Variants in PDS5B observed in about 807,000 individuals in gnomAD.
PDS5B encodes PDS5 cohesin associated factor B, also known as sister chromatid cohesion protein PDS5 homolog B.
A neutral mutation model predicts 184.1 loss-of-function variants in PDS5B; 51 were observed. The observed-to-expected ratio is 0.28, with a 90% CI of 0.22 to 0.35. The LOEUF (loss-of-function observed/expected upper bound fraction) is 0.35, where lower values mean the gene tolerates loss of function less well. Among genes scored for constraint, PDS5B ranks in the 10% least tolerant of loss-of-function variants. PDS5B has a pLI of 1.00. For missense variants in PDS5B, 1,180 were observed against 1,723.3 expected, an observed-to-expected ratio of 0.68 and a Z score of 5.58; for synonymous variants, 566 against 569.2, an observed-to-expected ratio of 0.99 and a Z score of 0.08.
At chr13:32,598,558 A>G (rs997135876) in intron 1 of PDS5B, among the ~76,000 whole-genome samples, 2 of 151,940 alleles carry the variant, frequency 1.3e-5, no homozygotes, top group Non-Finnish European at 2.9e-5. Flanking sequence ...GTAACCTCAA[A>G]TTCCTGGGCT....
intron 1 of PDS5B, among the ~76,000 whole-genome samples, chr13:32,597,855 A>C (rs2140474795): frequency 6.6e-6 from 1 of 152,130 alleles, no homozygotes; most frequent in Admixed American, 6.5e-5. Flanking sequence ...AAAAAAAAAA[A>C]AAGAAAATTA....
intron 1 of PDS5B, among the ~76,000 whole-genome samples, chr13:32,632,994 A>G (rs1156401318): frequency 6.6e-6 from 1 of 152,156 alleles, no homozygotes; most frequent in Non-Finnish European, 1.5e-5. Context: ...CCAGCTACTC[A>G]AAAGAATTTA....
chr13:32,674,259 A>G (rs561720288), intron 8 of PDS5B, among the ~76,000 whole-genome samples: 87 of 152,306 alleles, frequency 5.7e-4, no homozygotes, highest in Non-Finnish European at 1.0e-4. Flanking sequence ...ATCTTTGTGG[A>G]CCCAGAAAAG....
At chr13:32,630,790 T>A (rs1387547326) in intron 1 of PDS5B, among the ~76,000 whole-genome samples, 1 of 70,664 alleles carries the variant, frequency 1.4e-5, no homozygotes, top group Non-Finnish European at 4.6e-5. Flanking sequence ...TCTTCCTTAC[T>A]TTTTTTTTTT....
At chr13:32,611,128 G>A (rs1484186273) in intron 1 of PDS5B, among the ~76,000 whole-genome samples, 2 of 151,932 alleles carry the variant, frequency 1.3e-5, no homozygotes, top group Admixed American at 6.6e-5. Context: ...ACAGGATTTT[G>A]TCTTTTTTGT....
intron 1 of PDS5B, among the ~76,000 whole-genome samples, chr13:32,631,791 A>G (rs1043668890): frequency 1.3e-5 from 2 of 152,196 alleles, no homozygotes; most frequent in Non-Finnish European, 2.9e-5. Context: ...TGGCTTCTTT[A>G]CAACATGAAT....
At chr13:32,614,251 C>T (rs1375219373) in intron 1 of PDS5B, among the ~76,000 whole-genome samples, 2 of 151,632 alleles carry the variant, frequency 1.3e-5, no homozygotes, top group Non-Finnish European at 2.9e-5. Context: ...TGAGCTTATC[C>T]GTTTCAGCAA....
In PDS5B at chr13:32,726,170, C is replaced by T. The variant is rs1167108015; in HGVS notation, c.2124-5931C>T. Among the ~76,000 whole-genome samples the T allele has an allele frequency of 2.0e-5, 3 of 147,848 alleles. No homozygotes were observed. In the East Asian group the frequency reaches 5.8e-4, roughly 29 times the overall value. ...AACTTAAAAAAAAAAAAAAAAGCCC[C>T]CTTCCGTGCACATACCTGTCTGCAT... On this transcript the variant is annotated intron_variant, in intron 19 of 34. Coordinates refer to ENST00000315596, the MANE Select transcript of PDS5B (RefSeq NM_015032.4).
intron 19 of PDS5B, among the ~76,000 whole-genome samples, chr13:32,716,614 G>A: frequency 6.7e-6 from 1 of 150,102 alleles, no homozygotes; most frequent in Non-Finnish European, 1.5e-5. Flanking sequence ...CGGGAGGGAG[G>A]TGGGGGGGTC....
Position 32,760,729 on chromosome 13 carries a change from A to G in PDS5B, c.3518+9A>G, listed in dbSNP as rs772613728. 2.5e-6 allele frequency: 4 copies of G among 1,609,940 alleles called. No homozygotes were observed. The South Asian group carries it at 3.3e-5, about 13-fold the overall frequency. The stretch of plus-strand genomic sequence containing the variant: ...GGAAGAATAAAGGGGAGGTAAGTGC[A>G]AAAGAAATGCCACAATTTACATTTA... On this transcript the variant is annotated intron_variant, in intron 30 of 34. Coordinates refer to ENST00000315596, the MANE Select transcript of PDS5B (RefSeq NM_015032.4).
In PDS5B at chr13:32,732,161, T is replaced by C. The variant is rs1953144539; in HGVS notation, c.2184T>C (p.Tyr728=). Residue 728 remains tyrosine, a synonymous_variant, in exon 20 of 35, where the codon TAT becomes TAC. Coordinates refer to ENST00000315596, the MANE Select transcript of PDS5B (RefSeq NM_015032.4). ...AAGGACCCCCCCGTCAAGCCAAATA[T>C]GCCATTCATTGTATCCATGCGATAT... is the stretch of plus-strand genomic sequence containing the variant. ...SKKGPPRQAK[Y]AIHCIHAIFS... 6.2e-7 allele frequency: 1 copy of C among 1,608,480 alleles called. No homozygotes were observed. The highest frequency in any genetic ancestry group is 1.3e-5 in the African/African-American group (1 of 74,792).
chr13:32,703,983 A>G (rs1951934787), intron 17 of PDS5B, among the ~76,000 whole-genome samples: 1 of 152,188 alleles, frequency 6.6e-6, no homozygotes, highest in Non-Finnish European at 1.5e-5. Context: ...TTATAAAACA[A>G]GGCTGTTCAC....
At chr13:32,771,366 C>G (rs1233500409) in intron 33 of PDS5B, among the ~76,000 whole-genome samples, 3 of 152,050 alleles carry the variant, frequency 2.0e-5, no homozygotes, top group Non-Finnish European at 4.4e-5. Context: ...AGAATCTGTA[C>G]CTCAAATTTT....
chr13:32,596,996 GTCAA>G (rs2057885356), intron 1 of PDS5B, among the ~76,000 whole-genome samples: 1 of 151,914 alleles, frequency 6.6e-6, no homozygotes. Context: ...ATGAAGTCCA[GTCAA>G]TCAACTTTTT....
In PDS5B at chr13:32,602,237, C is replaced by T. The variant is rs916773741; in HGVS notation, c.-20+15644C>T. 2.0e-5 allele frequency among the ~76,000 whole-genome samples: 3 copies of T among 152,230 alleles called. 1 individual carries two copies. ...AGGTATATCTCCTAATGCTATCCCT[C>T]TCCCCTCCCTTCCCCTCACCCCACT... On this transcript the variant is annotated intron_variant, in intron 1 of 34. Transcript: ENST00000315596.
intron 20 of PDS5B, among the ~76,000 whole-genome samples, chr13:32,734,693 C>A (rs1446865736): frequency 6.6e-6 from 1 of 152,158 alleles, no homozygotes; most frequent in Non-Finnish European, 1.5e-5. Flanking sequence ...ATTGCTCATA[C>A]CTACCTCAGT....
At chr13:32,751,430 A>G (rs1374788983) in intron 24 of PDS5B, among the ~76,000 whole-genome samples, 4 of 152,208 alleles carry the variant, frequency 2.6e-5, no homozygotes, top group African/African-American at 9.6e-5. Context: ...TTGAGAAATC[A>G]CCAACCTGCT....
At chr13:32,631,569 G>T (rs1345116387) in intron 1 of PDS5B, among the ~76,000 whole-genome samples, 1 of 152,178 alleles carries the variant, frequency 6.6e-6, no homozygotes, top group Non-Finnish European at 1.5e-5. Context: ...AATATTTGTT[G>T]TTGAAAGAAT....
At chr13:32,608,589 T>C (rs543839942) in intron 1 of PDS5B, among the ~76,000 whole-genome samples, 1 of 152,150 alleles carries the variant, frequency 6.6e-6, no homozygotes, top group South Asian at 2.1e-4. Flanking sequence ...GTGGGGGAGA[T>C]CATGGTTAAG....
Sources: gnomAD v4.1 joint callset for allele counts (sites outside exome capture counted in the v4.1 genomes callset) on GRCh38, gnomAD v4.1.1 for gene constraint, MANE v1.5 for transcripts, NCBI Gene and HGNC (gene_info 2026-07-23, HGNC 2026-07-21) for gene names.